Variants in KDM4C observed in about 807,000 individuals in gnomAD.
KDM4C encodes lysine-specific demethylase 4C.
In KDM4C, 81 loss-of-function variants were observed where a neutral mutation model predicts 129.3. The ratio of observed to expected loss-of-function variants is 0.63; its 90% confidence interval spans 0.52 to 0.75. The LOEUF (loss-of-function observed/expected upper bound fraction) is 0.75, where lower values mean the gene tolerates loss of function less well. Among genes scored for constraint, KDM4C ranks in the 30% least tolerant of loss-of-function variants. The pLI, the probability that KDM4C is intolerant of heterozygous loss-of-function variation, is 0.00. For missense variants in KDM4C, 1,457 were observed against 1,304.0 expected (o/e 1.12, Z -1.81); for synonymous variants, 573 against 456.1 (o/e 1.26, Z -3.26).
intron 8 of KDM4C, among the ~76,000 whole-genome samples, chr9:6,894,371 C>T (rs1295042487): frequency 6.6e-6 from 1 of 152,228 alleles, no homozygotes; most frequent in Non-Finnish European, 1.5e-5. Flanking sequence ...TGTACTACTA[C>T]TTCACATTGT....
At chr9:7,021,054 G>T (rs931225145) in intron 15 of KDM4C, among the ~76,000 whole-genome samples, 1 of 150,426 alleles carries the variant, frequency 6.6e-6, no homozygotes, top group Non-Finnish European at 1.5e-5. Context: ...TTCTGATTTT[G>T]TGAAGAGTGT....
intron 15 of KDM4C, 34 bp from the exon 16 acceptor site, chr9:7,046,828 C>G (rs1347109572): frequency 6.8e-7 from 1 of 1,461,918 alleles, no homozygotes; most frequent in Non-Finnish European, 9.6e-7. Flanking sequence ...TTATGTGGGT[C>G]TGGTCATCAT....
At chr9:7,003,933 G>T (rs1821192695) in intron 12 of KDM4C, among the ~76,000 whole-genome samples, 1 of 152,044 alleles carries the variant, frequency 6.6e-6, no homozygotes, top group African/African-American at 2.4e-5. Context: ...TTCCCTGCAG[G>T]ATGTTTGAAA....
intron 1 of KDM4C, among the ~76,000 whole-genome samples, chr9:6,772,438 C>T (rs199836649): frequency 9.9e-5 from 15 of 151,868 alleles, no homozygotes; most frequent in East Asian, 7.8e-4. Context: ...CTTGGCTCAC[C>T]GCAACCTCCG....
chr9:6,829,358 G>C (rs1257770816), intron 4 of KDM4C, among the ~76,000 whole-genome samples: 1 of 152,222 alleles, frequency 6.6e-6, no homozygotes, highest in Non-Finnish European at 1.5e-5. Context: ...TAGAGGGGCA[G>C]ATTTCTGTGG....
At chr9:7,160,157 T>C (rs567052928) in intron 19 of KDM4C, among the ~76,000 whole-genome samples, 2 of 152,368 alleles carry the variant, frequency 1.3e-5, no homozygotes, top group African/African-American at 4.8e-5. Flanking sequence ...CACAAAGTTC[T>C]CGTGCCATGG....
rs182265794 is a variant in KDM4C, at chr9:7,009,944, A to C, written c.1787-1754A>C. Among the ~76,000 whole-genome samples the C allele has an allele frequency of 4.6e-5, 7 of 152,354 alleles. No individual in the cohort carries two copies. In the East Asian group the frequency reaches 1.3e-3, roughly 29 times the overall value. On this transcript the variant is annotated intron_variant, in intron 12 of 21. Coordinates refer to ENST00000381309, the MANE Select transcript of KDM4C (RefSeq NM_015061.6). ...CTAGAAATATTTAAAAAATTAAGAA[A>C]AAGATATGTCATGAAGGCATAAAAT...
At chr9:7,019,827 C>G (rs1228959625) in intron 15 of KDM4C, among the ~76,000 whole-genome samples, 1 of 141,816 alleles carries the variant, frequency 7.1e-6, no homozygotes, top group East Asian at 2.0e-4. Flanking sequence ...CACCCATTCC[C>G]AGACATAAAT....
intron 4 of KDM4C, among the ~76,000 whole-genome samples, chr9:6,836,138 C>T (rs1198031448): frequency 1.3e-5 from 2 of 152,010 alleles, no homozygotes; most frequent in Non-Finnish European, 2.9e-5. Context: ...GACTTGAGAC[C>T]AGTTGAATAA....
chr9:7,111,278 T>C (rs1587697100), intron 18 of KDM4C, among the ~76,000 whole-genome samples: 1 of 152,256 alleles, frequency 6.6e-6, no homozygotes, highest in Admixed American at 6.5e-5. Context: ...AATCTGAAAC[T>C]TTTTGAGTAC....
At chr9:6,886,596 A>G (rs572873227) in intron 6 of KDM4C, among the ~76,000 whole-genome samples, 1 of 151,524 alleles carries the variant, frequency 6.6e-6, no homozygotes, top group South Asian at 2.1e-4. Flanking sequence ...GGTTCAAGCA[A>G]TTCTCCTGCC....
intron 17 of KDM4C, among the ~76,000 whole-genome samples, chr9:7,078,637 T>C (rs184036333): frequency 2.0e-3 from 301 of 152,340 alleles, no homozygotes; most frequent in Non-Finnish European, 3.0e-3. Flanking sequence ...GTCTTGCATT[T>C]TAAAGGTCCA....
At chr9:6,752,332 C>CAAAAAA (rs1159747148) in intron 1 of KDM4C, among the ~76,000 whole-genome samples, 1,563 of 19,268 alleles carry the variant, frequency 0.081, 167 homozygotes, top group Non-Finnish European at 0.12. Flanking sequence ...AACTCCGTCT[C>CAAAAAA]AAAAAAAAAA....
intron 19 of KDM4C, among the ~76,000 whole-genome samples, chr9:7,148,849 C>T (rs1036964260): frequency 2.6e-5 from 4 of 152,114 alleles, no homozygotes; most frequent in Non-Finnish European, 5.9e-5. Flanking sequence ...GGAGGAAGTG[C>T]TTGCTGATTG....
intron 5 of KDM4C, among the ~76,000 whole-genome samples, chr9:6,867,897 A>C (rs1208364527): frequency 2.0e-5 from 3 of 152,206 alleles, no homozygotes; most frequent in Non-Finnish European, 4.4e-5. Flanking sequence ...AGTGGAATTA[A>C]AATCTTACAT....
chr9:6,928,267 C>G (rs917189694), intron 8 of KDM4C, among the ~76,000 whole-genome samples: 4 of 152,202 alleles, frequency 2.6e-5, no homozygotes, highest in African/African-American at 9.6e-5. Context: ...TTTACCAGGC[C>G]TTCCAGTGTT....
At chr9:7,121,726 T>G (rs537641123) in intron 18 of KDM4C, among the ~76,000 whole-genome samples, 1 of 152,194 alleles carries the variant, frequency 6.6e-6, no homozygotes, top group East Asian at 1.9e-4. Flanking sequence ...GTGGATATAT[T>G]GGGGAAAGTA....
intron 1 of KDM4C, among the ~76,000 whole-genome samples, chr9:6,781,900 C>T (rs1824426313): frequency 6.6e-6 from 1 of 151,826 alleles, no homozygotes; most frequent in Admixed American, 6.6e-5. Flanking sequence ...CTCGGCTCAC[C>T]TGCAGTCTCA....
chr9:7,073,784 A>T (rs753379118), intron 17 of KDM4C, among the ~76,000 whole-genome samples: 1 of 152,146 alleles, frequency 6.6e-6, no homozygotes, highest in Non-Finnish European at 1.5e-5. Flanking sequence ...GGGCCCATCA[A>T]ATTGTAGTTC....
Sources: gnomAD v4.1 joint callset for allele counts (sites outside exome capture counted in the v4.1 genomes callset) on GRCh38, gnomAD v4.1.1 for gene constraint, MANE v1.5 for transcripts, NCBI Gene and HGNC (gene_info 2026-07-23, HGNC 2026-07-21) for gene names.